Variants in FAF1 observed in about 807,000 individuals in gnomAD.
The protein encoded by FAF1 is Fas associated factor 1.
In FAF1, 25 loss-of-function variants were observed where a neutral mutation model predicts 92.5. The ratio of observed to expected loss-of-function variants is 0.27; its 90% confidence interval spans 0.20 to 0.38. FAF1 has a LOEUF of 0.38. Ranked by LOEUF, FAF1 falls within the 10% of genes least tolerant of loss-of-function variation. The pLI, the probability that FAF1 is intolerant of heterozygous loss-of-function variation, is 1.00. For synonymous variants in FAF1, 234 were observed against 273.2 expected, an observed-to-expected ratio of 0.86 and a Z score of 1.42; for missense variants, 636 against 793.3, an observed-to-expected ratio of 0.80 and a Z score of 2.38.
chr1:50,940,859 A>G (rs1645127023), intron 1 of FAF1, among the ~76,000 whole-genome samples: 1 of 152,122 alleles, frequency 6.6e-6, no homozygotes, highest in Non-Finnish European at 1.5e-5. Flanking sequence ...TTTTGGGAAG[A>G]TTTTGTTTCT....
intron 6 of FAF1, among the ~76,000 whole-genome samples, chr1:50,723,180 C>A (rs1658484226): frequency 6.6e-6 from 1 of 152,026 alleles, no homozygotes; most frequent in Non-Finnish European, 1.5e-5. Flanking sequence ...ATGGGTGGAC[C>A]ACCTGAGTTC....
chr1:50,678,032 G>A (rs978716815), intron 7 of FAF1, among the ~76,000 whole-genome samples: 3 of 152,034 alleles, frequency 2.0e-5, no homozygotes, highest in African/African-American at 4.8e-5. Flanking sequence ...ATTCTCTACA[G>A]TACCCTAGTC....
intron 2 of FAF1, among the ~76,000 whole-genome samples, chr1:50,829,604 G>A (rs533724302): frequency 6.6e-6 from 1 of 152,348 alleles, no homozygotes; most frequent in South Asian, 2.1e-4. Flanking sequence ...ATTAAAGGCA[G>A]TCAAAGGTAA....
At chr1:50,550,361 A>G (rs1335470219) in intron 13 of FAF1, among the ~76,000 whole-genome samples, 1 of 151,470 alleles carries the variant, frequency 6.6e-6, no homozygotes, top group African/African-American at 2.4e-5. Flanking sequence ...TAAAAAAAAA[A>G]AAAAAAAAAA....
At chr1:50,869,357 G>A (rs776705191) in intron 1 of FAF1, among the ~76,000 whole-genome samples, 17 of 152,044 alleles carry the variant, frequency 1.1e-4, no homozygotes, top group Non-Finnish European at 1.9e-4. Context: ...TATATTTCAT[G>A]TAATTATTAT....
intron 13 of FAF1, among the ~76,000 whole-genome samples, chr1:50,543,748 C>T (rs1402073972): frequency 6.6e-6 from 1 of 151,608 alleles, no homozygotes; most frequent in African/African-American, 2.4e-5. Context: ...TAAACCAACA[C>T]TGTCACTGTT....
At chr1:50,815,670 G>A (rs943902251) in intron 2 of FAF1, among the ~76,000 whole-genome samples, 3 of 152,158 alleles carry the variant, frequency 2.0e-5, no homozygotes, top group Admixed American at 6.5e-5. Flanking sequence ...TACCAACAGG[G>A]TATAAGTGTT....
chr1:50,867,732 G>C (rs1285669249), intron 1 of FAF1, among the ~76,000 whole-genome samples: 1 of 152,074 alleles, frequency 6.6e-6, no homozygotes, highest in African/African-American at 2.4e-5. Context: ...ACTGCTGGTG[G>C]GAATGTAAAC....
intron 8 of FAF1, among the ~76,000 whole-genome samples, chr1:50,631,584 GA>G (rs1263836498): frequency 1.3e-5 from 2 of 152,150 alleles, no homozygotes; most frequent in Admixed American, 1.3e-4. Context: ...AAGTGAAAAG[GA>G]GAAAGTTCTT....
chr1:50,531,925 A>C (rs1331364046), intron 15 of FAF1, among the ~76,000 whole-genome samples: 1 of 152,194 alleles, frequency 6.6e-6, no homozygotes, highest in Non-Finnish European at 1.5e-5. Flanking sequence ...AAATAAATTC[A>C]GGCCTAGGAA....
chr1:50,852,101 A>G (rs1644355993), intron 2 of FAF1, among the ~76,000 whole-genome samples: 1 of 152,204 alleles, frequency 6.6e-6, no homozygotes, highest in Admixed American at 6.5e-5. Flanking sequence ...TGACATGCTT[A>G]GAAAAAAAAT....
chr1:50,504,525 T>C (rs1647029844), intron 15 of FAF1, among the ~76,000 whole-genome samples: 1 of 152,026 alleles, frequency 6.6e-6, no homozygotes, highest in South Asian at 2.1e-4. Context: ...GTATCTAATA[T>C]GCATCTACTA....
At chr1:50,854,746 A>C (rs1175073829) in intron 2 of FAF1, among the ~76,000 whole-genome samples, 1 of 151,892 alleles carries the variant, frequency 6.6e-6, no homozygotes, top group East Asian at 1.9e-4. Context: ...CCTATAGAAT[A>C]GCTGTTATCA....
intron 2 of FAF1, among the ~76,000 whole-genome samples, chr1:50,854,627 T>G (rs776175724): frequency 6.6e-6 from 1 of 151,938 alleles, no homozygotes. Flanking sequence ...ACTTAAAACA[T>G]AGAGTTTGGA....
At chr1:50,833,342 A>T (rs75240124) in intron 2 of FAF1, among the ~76,000 whole-genome samples, 1,495 of 146,366 alleles carry the variant, frequency 0.01, 22 homozygotes, top group East Asian at 0.066. Context: ...GCTTATTATA[A>T]AAAAAAAAAA....
intron 6 of FAF1, among the ~76,000 whole-genome samples, chr1:50,736,756 A>AAAAG (rs1366754927): frequency 2.6e-5 from 4 of 151,654 alleles, no homozygotes; most frequent in Admixed American, 6.7e-5. Context: ...CGTCTCCAAA[A>AAAAG]AAAGAAAGAA....
At chr1:50,541,145 T>C (rs1454672220) in intron 13 of FAF1, among the ~76,000 whole-genome samples, 2 of 152,196 alleles carry the variant, frequency 1.3e-5, no homozygotes, top group Non-Finnish European at 2.9e-5. Context: ...ACATTTTCTG[T>C]CTATAGAAAT....
intron 1 of FAF1, among the ~76,000 whole-genome samples, chr1:50,864,361 A>G (rs1570070526): frequency 6.6e-6 from 1 of 151,810 alleles, no homozygotes; most frequent in East Asian, 1.9e-4. Flanking sequence ...ATTTCCCTCT[A>G]CACACTGCTT....
At chr1:50,452,555 C>A (rs1288350314) in intron 18 of FAF1, among the ~76,000 whole-genome samples, 2 of 152,130 alleles carry the variant, frequency 1.3e-5, no homozygotes, top group Non-Finnish European at 2.9e-5. Context: ...CTTTCCAAGG[C>A]CAATACCACG....
Sources: allele counts gnomAD v4.1 joint callset (sites outside exome capture counted in the v4.1 genomes callset), GRCh38; gene constraint gnomAD v4.1.1; transcripts MANE v1.5; gene names NCBI Gene and HGNC (gene_info 2026-07-23, HGNC 2026-07-21).